OPCML: variants seen among roughly 807,000 people sequenced by gnomAD.
OPCML encodes the protein opioid binding protein/cell adhesion molecule like.
A neutral mutation model predicts 37.8 loss-of-function variants in OPCML; 13 were observed. That is an observed-to-expected ratio of 0.34 (90% CI 0.22 to 0.55). The LOEUF is 0.55. Among genes scored for constraint, OPCML ranks in the 20% least tolerant of loss-of-function variants. OPCML has a pLI of 0.91. For missense variants in OPCML, 341 were observed against 435.6 expected, an observed-to-expected ratio of 0.78 and a Z score of 1.93; for synonymous variants, 176 against 168.8, an observed-to-expected ratio of 1.04 and a Z score of -0.33.
chr11:132,908,821 G>A (rs1248826953), intron 2 of OPCML, among the ~76,000 whole-genome samples: 2 of 152,194 alleles, frequency 1.3e-5, no homozygotes, highest in African/African-American at 2.4e-5. Flanking sequence ...AGTCTACTTG[G>A]GCTTTCTAAA....
chr11:132,448,584 C>T (rs1239646309), intron 4 of OPCML, among the ~76,000 whole-genome samples: 1 of 152,236 alleles, frequency 6.6e-6, no homozygotes, highest in Non-Finnish European at 1.5e-5. Flanking sequence ...GGGCTCTCCT[C>T]ATCTGCACCT....
chr11:133,315,668 C>T (rs764464688), intron 1 of OPCML, among the ~76,000 whole-genome samples: 13 of 152,058 alleles, frequency 8.5e-5, no homozygotes, highest in Admixed American at 1.3e-4. Flanking sequence ...CATAGTGGCA[C>T]GTGCTTGTAG....
intron 4 of OPCML, among the ~76,000 whole-genome samples, chr11:132,521,090 G>C (rs1035011560): frequency 6.6e-6 from 1 of 152,066 alleles, no homozygotes; most frequent in Admixed American, 6.6e-5. Context: ...GCATGAGATG[G>C]TATCTCATTG....
In OPCML at chr11:132,456,210, A is replaced by G. The variant is rs181278459; in HGVS notation, c.506-18851T>C. Among the ~76,000 whole-genome samples the G allele has an allele frequency of 6.6e-5, 10 of 152,334 alleles. No individual in the cohort carries two copies. The East Asian group carries it at 1.3e-3, about 21-fold the overall frequency. On this transcript the variant is annotated intron_variant, in intron 4 of 7. Transcript: ENST00000524381. ...CAGCTAAAAGGATAAACAGTTTCCC[A>G]TTGTTCAGGAGAGCACAGTGCAATT...
intron 2 of OPCML, among the ~76,000 whole-genome samples, chr11:132,879,167 G>T (rs1943133634): frequency 6.6e-6 from 1 of 152,172 alleles, no homozygotes; most frequent in South Asian, 2.1e-4. Flanking sequence ...ACTGATTCTG[G>T]TTTAATTACT....
intron 1 of OPCML, among the ~76,000 whole-genome samples, chr11:133,037,184 G>T (rs1013185080): frequency 5.9e-5 from 9 of 152,148 alleles, no homozygotes; most frequent in Non-Finnish European, 7.3e-5. Context: ...GAAAAGACAA[G>T]ACTTATTTGG....
At chr11:132,701,911 T>G (rs1943841535) in intron 2 of OPCML, among the ~76,000 whole-genome samples, 1 of 152,134 alleles carries the variant, frequency 6.6e-6, no homozygotes, top group African/African-American at 2.4e-5. Flanking sequence ...AACCGTCTAC[T>G]TTAAGCTGAT....
chr11:133,439,179 G>A (rs1946305469), intron 1 of OPCML: 2 of 581,708 alleles, frequency 3.4e-6, no homozygotes, highest in South Asian at 7.5e-5. Flanking sequence ...ACCCGAAGTG[G>A]GGCAGTCTTG....
At chr11:132,791,819 A>C (rs1270868497) in intron 2 of OPCML, among the ~76,000 whole-genome samples, 10 of 152,176 alleles carry the variant, frequency 6.6e-5, no homozygotes, top group Admixed American at 6.5e-4. Flanking sequence ...TTTGAATGAC[A>C]TCACCTAGCT....
At chr11:132,651,240 T>G (rs1250370882) in intron 3 of OPCML, among the ~76,000 whole-genome samples, 1 of 152,176 alleles carries the variant, frequency 6.6e-6, no homozygotes, top group Non-Finnish European at 1.5e-5. Flanking sequence ...AGAGTAAATA[T>G]ACCCGGTCTT....
At chr11:132,904,083 C>A (rs534289394) in intron 2 of OPCML, among the ~76,000 whole-genome samples, 1 of 152,198 alleles carries the variant, frequency 6.6e-6, no homozygotes, top group East Asian at 1.9e-4. Context: ...GGCTGGCAAA[C>A]AAAGATTGGT....
At chr11:132,669,224 C>A (rs1174964502) in intron 2 of OPCML, among the ~76,000 whole-genome samples, 1 of 151,832 alleles carries the variant, frequency 6.6e-6, no homozygotes, top group East Asian at 1.9e-4. Flanking sequence ...CTAGAAGAAC[C>A]ATTCTCAAGC....
chr11:133,508,189 T>C (rs931438688), intron 1 of OPCML, among the ~76,000 whole-genome samples: 5 of 152,042 alleles, frequency 3.3e-5, no homozygotes, highest in Admixed American at 6.6e-5. Flanking sequence ...CTCTGGGAGG[T>C]AGCAGAGAAA....
chr11:133,514,669 C>T (rs910122733), intron 1 of OPCML, among the ~76,000 whole-genome samples: 3 of 152,164 alleles, frequency 2.0e-5, no homozygotes, highest in African/African-American at 4.8e-5. Context: ...TAATTGATCT[C>T]AAAACTCTAT....
At chr11:132,942,421 G>A (rs1343882241) in intron 2 of OPCML, among the ~76,000 whole-genome samples, 1 of 152,158 alleles carries the variant, frequency 6.6e-6, no homozygotes, top group Non-Finnish European at 1.5e-5. Context: ...GGTTTGGCAC[G>A]AGTGCTGGGT....
chr11:132,635,201 C>A (rs1426009894), intron 3 of OPCML, among the ~76,000 whole-genome samples: 1 of 152,052 alleles, frequency 6.6e-6, no homozygotes, highest in Non-Finnish European at 1.5e-5. Flanking sequence ...TTGTGGAAAT[C>A]TAAATTTCCC....
chr11:132,862,360 T>C (rs1942340451), intron 2 of OPCML, among the ~76,000 whole-genome samples: 1 of 152,168 alleles, frequency 6.6e-6, no homozygotes, highest in Admixed American at 6.5e-5. Context: ...TTTTGAAATA[T>C]TCCAATGTAC....
intron 2 of OPCML, among the ~76,000 whole-genome samples, chr11:132,929,918 G>T (rs1440250944): frequency 2.6e-5 from 4 of 152,030 alleles, no homozygotes; most frequent in Non-Finnish European, 5.9e-5. Context: ...CTTAATAAAG[G>T]TCATATGTAA....
intron 1 of OPCML, among the ~76,000 whole-genome samples, chr11:133,395,479 T>A (rs1945264420): frequency 6.6e-6 from 1 of 152,212 alleles, no homozygotes; most frequent in African/African-American, 2.4e-5. Flanking sequence ...CCCAGTCCAA[T>A]GTCCTGGAAA....
Sources: gnomAD v4.1 joint callset for allele counts (sites outside exome capture counted in the v4.1 genomes callset) on GRCh38, gnomAD v4.1.1 for gene constraint, MANE v1.5 for transcripts, NCBI Gene and HGNC (gene_info 2026-07-23, HGNC 2026-07-21) for gene names.